The following PCDHA7 variants were observed in gnomAD, a reference collection of about 807,000 sequenced individuals.
PCDHA7 encodes protocadherin alpha-7.
A neutral mutation model predicts 57.2 loss-of-function variants in PCDHA7; 37 were observed. That is an observed-to-expected ratio of 0.65 (90% CI 0.50 to 0.85). PCDHA7 has a LOEUF of 0.85. Ranked by LOEUF, PCDHA7 falls within the 40% of genes least tolerant of loss-of-function variation. PCDHA7 has a pLI of 0.00. For missense variants in PCDHA7, 1,188 were observed against 1,241.8 expected (o/e 0.96, Z 0.65); for synonymous variants, 553 against 558.8 (o/e 0.99, Z 0.15).
intron 1 of PCDHA7, chr5:140,857,309 G>A: frequency 6.3e-7 from 1 of 1,598,786 alleles, no homozygotes; most frequent in East Asian, 2.2e-5. Flanking sequence ...GTCGGCCTAT[G>A]AGCTGGTGGT....
rs1554263423 is a variant in PCDHA7 at position 141,011,323 on chromosome 5, C to T, written c.*1386C>T. 1 of 153,686 alleles carries T rather than the reference C, an allele frequency of 6.5e-6. No individual in the cohort carries two copies. The highest frequency in any genetic ancestry group is 1.5e-5 in the Non-Finnish European group (1 of 68,036). The allele number at this position is 153,686 out of a possible 1,614,324, so 9.5% of individuals were successfully genotyped here. A position where few individuals can be genotyped will look rare whatever the true frequency, so the allele number is the denominator to read the frequency against. ...TCTGAATTGCTAATCTTACTAACACCTATGATGTTACCTGAAATCAATCTC... is the reference window on the plus strand; with the variant it reads ...TCTGAATTGCTAATCTTACTAACACTTATGATGTTACCTGAAATCAATCTC... On this transcript the variant is annotated 3_prime_UTR_variant, in exon 4 of 4. Transcript: ENST00000525929.
chr5:140,914,426 A>G (rs1554196349), intron 1 of PCDHA7, among the ~76,000 whole-genome samples: 1 of 152,140 alleles, frequency 6.6e-6, no homozygotes, highest in African/African-American at 2.4e-5. Context: ...TTAGCAAGGA[A>G]TATCTTTTCC....
intron 1 of PCDHA7, chr5:140,870,247 G>C (rs2051798085): frequency 5.6e-6 from 9 of 1,614,024 alleles, no homozygotes; most frequent in Admixed American, 1.7e-5. Flanking sequence ...AGGTGTCAAC[G>C]GACAGGTGAC....
At chr5:140,849,855 G>T (rs2150454163) in intron 1 of PCDHA7, 3 of 1,598,654 alleles carry the variant, frequency 1.9e-6, no homozygotes, top group Non-Finnish European at 2.6e-6. Flanking sequence ...CAACGCACCA[G>T]CGTTCGCGCA....
Position 140,848,909 on chromosome 5 carries a change from G to T in PCDHA7, c.2355+12171G>T, listed in dbSNP as rs2150424301. 6.2e-5 allele frequency: 99 copies of T among 1,608,232 alleles called. No individual in the cohort carries two copies. The African/African-American group carries it at 1.2e-3, about 19-fold the overall frequency. ...CTCCAGTGTTCCCAGCGACACAAAA[G>T]AATCTGTTCATCGCGGAATCCAGGC... On this transcript the variant is annotated intron_variant, in intron 1 of 3. Transcript: ENST00000525929.
intron 1 of PCDHA7, among the ~76,000 whole-genome samples, chr5:140,920,012 G>A (rs531392984): frequency 2.6e-5 from 4 of 152,314 alleles, no homozygotes; most frequent in East Asian, 1.9e-4. Context: ...AAGGCCATGC[G>A]AAGATGGAGA....
chr5:140,853,285 A>G (rs2042696768), intron 1 of PCDHA7: 2 of 981,668 alleles, frequency 2.0e-6, no homozygotes, highest in Non-Finnish European at 2.5e-6. Flanking sequence ...TCATATGCAA[A>G]TTCTCAGAAG....
In PCDHA7 at chr5:140,842,663, G is replaced by A. The variant is rs2150341486; in HGVS notation, c.2355+5925G>A. The A allele has an allele frequency of 3.4e-5, 54 of 1,595,410 alleles. 5 individuals are homozygous for A. Among genetic ancestry groups the A allele is most frequent in the South Asian group, 1.5e-4 (14 of 90,476 alleles). ...CAGCTTGTCTGTGGAGGTGGCCGAC[G>A]TGAACGACAATGCTCCGGCGTTCGC... On this transcript the variant is annotated intron_variant, in intron 1 of 3. Transcript: ENST00000525929.
At chr5:140,895,851 C>T (rs2065201261) in intron 1 of PCDHA7, among the ~76,000 whole-genome samples, 1 of 152,078 alleles carries the variant, frequency 6.6e-6, no homozygotes, top group Admixed American at 6.6e-5. Flanking sequence ...CACTCTTGTA[C>T]CCCAGGCTGG....
At position 140,836,500 on chromosome 5, in the gene PCDHA7, C is replaced by T. The variant is rs2150262394; in HGVS notation, c.2117C>T (p.Ala706Val). 1.2e-6 allele frequency: 2 copies of T among 1,613,882 alleles called. No individual in the cohort carries two copies. The highest frequency in any genetic ancestry group is 1.3e-5 in the African/African-American group (1 of 74,962). The change falls in exon 1 of 4, where the codon GCG (alanine) becomes GTG (valine). Residue 706 changes from alanine (A) to valine (V), a missense_variant. This residue lies in a region of PCDHA7 where 892 missense variants were observed against 788.5 expected (regional missense o/e 1.13). Transcript: ENST00000525929. ...GTGTACCTGATCATCGCCATCTGCG[C>T]GGTGTCCAGTCTGTTGGTGCTTACC... ...VNVYLIIAIC[A>V]VSSLLVLTLL...
chr5:140,907,727 C>T (rs2153502591), intron 1 of PCDHA7, among the ~76,000 whole-genome samples: 1 of 152,306 alleles, frequency 6.6e-6, no homozygotes, highest in Admixed American at 6.5e-5. Flanking sequence ...AACCTCCATC[C>T]CTGCCACCAT....
At chr5:140,912,721 A>G (rs377668484) in intron 1 of PCDHA7, among the ~76,000 whole-genome samples, 2 of 152,066 alleles carry the variant, frequency 1.3e-5, no homozygotes, top group East Asian at 1.9e-4. Flanking sequence ...TCTCCATTCA[A>G]TATGATGTTG....
chr5:140,854,555 A>G (rs2043158080), intron 1 of PCDHA7: 1 of 150,006 alleles, frequency 6.7e-6, no homozygotes, highest in Non-Finnish European at 1.5e-5. Context: ...ATTCATAAAT[A>G]TTGTTGCTCT....
At chr5:140,908,384 C>T (rs573373685) in intron 1 of PCDHA7, among the ~76,000 whole-genome samples, 2 of 152,172 alleles carry the variant, frequency 1.3e-5, no homozygotes, top group African/African-American at 2.4e-5. Flanking sequence ...TGCTCGAGCC[C>T]GATCACATAT....
chr5:140,915,453 A>G (rs963973003), intron 1 of PCDHA7, among the ~76,000 whole-genome samples: 13 of 152,232 alleles, frequency 8.5e-5, no homozygotes, highest in African/African-American at 2.9e-4. Context: ...AAGGTTTTCC[A>G]GAAGGTTTTT....
intron 1 of PCDHA7, chr5:140,875,507 A>G: frequency 6.2e-7 from 1 of 1,613,674 alleles, no homozygotes. Context: ...CCGGGATCCC[A>G]GCGTCTGCTG....
Position 141,010,040 on chromosome 5 carries a change from C to G in PCDHA7, c.*103C>G. On this transcript the variant is annotated 3_prime_UTR_variant, in exon 4 of 4. Transcript: ENST00000525929. Reference sequence around the variant, plus strand: ...CCTTTTTCCTATCTACATGAGCCCTCTTAGAGACCTCAGAAATCTGCAGAA... The same window carrying G: ...CCTTTTTCCTATCTACATGAGCCCTGTTAGAGACCTCAGAAATCTGCAGAA... 5.6e-6 allele frequency: 9 copies of G among 1,593,642 alleles called. No individual in the cohort carries two copies. The highest frequency in any genetic ancestry group is 7.7e-6 in the Non-Finnish European group (9 of 1,170,750).
chr5:140,904,926 A>G (rs1459530811), intron 1 of PCDHA7, among the ~76,000 whole-genome samples: 1 of 152,130 alleles, frequency 6.6e-6, no homozygotes, highest in Admixed American at 6.5e-5. Context: ...ACTTCCTTGT[A>G]GGTTCTGGAT....
intron 1 of PCDHA7, chr5:140,867,034 G>C (rs1398561687): frequency 6.6e-6 from 1 of 152,106 alleles, no homozygotes; most frequent in Non-Finnish European, 1.5e-5. Context: ...ACTCTTTTAT[G>C]ACTTGGCGTT....
Sources: gnomAD v4.1 joint callset for allele counts (sites outside exome capture counted in the v4.1 genomes callset) on GRCh38, gnomAD v4.1.1 for gene constraint, gnomAD v4.1.1 regional missense constraint, MANE v1.5 for transcripts, NCBI Gene and HGNC (gene_info 2026-07-23, HGNC 2026-07-21) for gene names.